Variants in MAD1L1 observed in about 807,000 individuals in gnomAD.
The protein encoded by MAD1L1 is mitotic spindle assembly checkpoint protein MAD1.
In MAD1L1, 95 loss-of-function variants were observed where a neutral mutation model predicts 96.9. That is an observed-to-expected ratio of 0.98 (90% CI 0.83 to 1.16). The LOEUF is 1.16. MAD1L1 is among the 50% of genes most tolerant of loss of function. The pLI is 0.00. For synonymous variants in MAD1L1, 473 were observed against 396.6 expected (o/e 1.19, Z -2.29); for missense variants, 1,007 against 954.4 (o/e 1.06, Z -0.73).
At chr7:1,951,841 G>C (rs1779511651) in intron 16 of MAD1L1, among the ~76,000 whole-genome samples, 1 of 152,194 alleles carries the variant, frequency 6.6e-6, no homozygotes. Flanking sequence ...CCATGCATCT[G>C]TCCACAGACG....
At chr7:1,984,373 A>G (rs992929335) in intron 14 of MAD1L1, among the ~76,000 whole-genome samples, 15 of 151,958 alleles carry the variant, frequency 9.9e-5, no homozygotes, top group Non-Finnish European at 1.9e-4. Context: ...TTTTCTATGC[A>G]CTCCTTTTAA....
At chr7:2,011,248 T>C (rs1177654786) in intron 13 of MAD1L1, among the ~76,000 whole-genome samples, 6 of 152,002 alleles carry the variant, frequency 3.9e-5, no homozygotes, top group African/African-American at 1.4e-4. Context: ...CACGGGGGCA[T>C]CCCTGGCTTG....
At chr7:2,197,503 C>T (rs781759595) in intron 10 of MAD1L1, among the ~76,000 whole-genome samples, 9 of 152,332 alleles carry the variant, frequency 5.9e-5, no homozygotes, top group Non-Finnish European at 8.8e-5. Flanking sequence ...ACTCCGCCGA[C>T]GCCTGGTACA....
At chr7:1,888,103 CTGCCTG>C (rs1786253435) in intron 18 of MAD1L1, among the ~76,000 whole-genome samples, 1 of 143,492 alleles carries the variant, frequency 7.0e-6, no homozygotes. Flanking sequence ...GTTCATGGGG[CTGCCTG>C]TGCCTGTGTG....
At chr7:1,824,336 G>A (rs1299046701) in intron 18 of MAD1L1, among the ~76,000 whole-genome samples, 4 of 133,520 alleles carry the variant, frequency 3.0e-5, no homozygotes, top group African/African-American at 1.1e-4. Flanking sequence ...CGTGACCCTG[G>A]GCACACCGAC....
intron 10 of MAD1L1, among the ~76,000 whole-genome samples, chr7:2,210,614 G>A (rs774986015): frequency 1.3e-4 from 20 of 152,234 alleles, no homozygotes; most frequent in Admixed American, 3.9e-4. Flanking sequence ...CCCCACTGAC[G>A]TCCAGCGTGA....
At chr7:2,106,996 C>T (rs541290923) in intron 11 of MAD1L1, among the ~76,000 whole-genome samples, 6 of 152,194 alleles carry the variant, frequency 3.9e-5, no homozygotes, top group African/African-American at 1.4e-4. Flanking sequence ...CTCCTGACGC[C>T]GTGTGTTCTC....
intron 18 of MAD1L1, among the ~76,000 whole-genome samples, chr7:1,874,213 G>A (rs1356134063): frequency 1.3e-5 from 2 of 152,192 alleles, no homozygotes; most frequent in South Asian, 2.1e-4. Flanking sequence ...CTCGGTGCAC[G>A]GCTGGTAAGA....
intron 18 of MAD1L1, among the ~76,000 whole-genome samples, chr7:1,868,403 G>A (rs1046761217): frequency 1.3e-5 from 2 of 152,132 alleles, no homozygotes; most frequent in Non-Finnish European, 2.9e-5. Context: ...CTGCTCCCAC[G>A]CAGGCCGCGC....
chr7:1,903,254 C>T (rs1226758523), intron 17 of MAD1L1, among the ~76,000 whole-genome samples: 38 of 150,746 alleles, frequency 2.5e-4, no homozygotes, highest in African/African-American at 9.3e-4. Flanking sequence ...GACGCAGTGG[C>T]CTACGGAAGA....
chr7:2,099,875 C>T (rs1432018469), intron 11 of MAD1L1, among the ~76,000 whole-genome samples: 2 of 152,236 alleles, frequency 1.3e-5, no homozygotes, highest in African/African-American at 4.8e-5. Flanking sequence ...GCCCAGCCCT[C>T]GATGCCCCAG....
At chr7:1,871,771 G>A (rs958149312) in intron 18 of MAD1L1, among the ~76,000 whole-genome samples, 16 of 151,894 alleles carry the variant, frequency 1.1e-4, no homozygotes, top group African/African-American at 2.7e-4. Flanking sequence ...CCCAACATAC[G>A]CCTGCCACTC....
chr7:2,007,236 T>C (rs906687434), intron 13 of MAD1L1, among the ~76,000 whole-genome samples: 3 of 152,178 alleles, frequency 2.0e-5, no homozygotes, highest in Non-Finnish European at 2.9e-5. Context: ...CAGGGCTAAA[T>C]GTGCTGCTGC....
intron 11 of MAD1L1, among the ~76,000 whole-genome samples, chr7:2,147,587 G>A (rs552272863): frequency 2.0e-5 from 3 of 152,162 alleles, no homozygotes; most frequent in Admixed American, 6.5e-5. Flanking sequence ...AGAACAGGAC[G>A]GAGCACCAAG....
rs1022850783 is a variant in MAD1L1, at chr7:1,851,081, GC to G, written c.1999-34854del. On this transcript the variant is annotated intron_variant, in intron 18 of 18. Coordinates refer to ENST00000265854, the MANE Select transcript of MAD1L1 (RefSeq NM_001013836.2). ...AGGTGGCAGGGAGGGCAGGAAGTAAGCCCACAGGCCACAAGCGTCTGTGCCA... is the reference window on the plus strand; with the variant it reads ...AGGTGGCAGGGAGGGCAGGAAGTAAGCCACAGGCCACAAGCGTCTGTGCCA... Among the ~76,000 whole-genome samples, 173 of 152,362 alleles carry G rather than the reference GC, an allele frequency of 1.1e-3. 10 individuals are homozygous for G. Among genetic ancestry groups the G allele is most frequent in the Middle Eastern group, 3.4e-3 (1 of 294 alleles).
chr7:2,024,555 T>C (rs1000890534), intron 12 of MAD1L1, among the ~76,000 whole-genome samples: 1 of 152,218 alleles, frequency 6.6e-6, no homozygotes. Flanking sequence ...CCCCTCCCTG[T>C]AGACATACTC....
At chr7:1,970,465 C>A (rs1333781042) in intron 15 of MAD1L1, among the ~76,000 whole-genome samples, 1 of 151,326 alleles carries the variant, frequency 6.6e-6, no homozygotes, top group Middle Eastern at 3.2e-3. Context: ...TCCCAAGTAG[C>A]TGGAATTACA....
At chr7:1,925,042 GAATA>G (rs1428654755) in intron 17 of MAD1L1, among the ~76,000 whole-genome samples, 1 of 151,978 alleles carries the variant, frequency 6.6e-6, no homozygotes, top group Non-Finnish European at 1.5e-5. Context: ...GAGAAAACGG[GAATA>G]AAAAATGGAG....
intron 18 of MAD1L1, among the ~76,000 whole-genome samples, chr7:1,826,578 A>C (rs1207817074): frequency 6.6e-6 from 1 of 151,952 alleles, no homozygotes; most frequent in African/African-American, 2.4e-5. Context: ...TCTCTGCCCC[A>C]CTGTCCCTCC....
Sources: gnomAD v4.1 joint callset for allele counts (sites outside exome capture counted in the v4.1 genomes callset) on GRCh38, gnomAD v4.1.1 for gene constraint, MANE v1.5 for transcripts, NCBI Gene and HGNC (gene_info 2026-07-23, HGNC 2026-07-21) for gene names.